PDE11A: variants seen among roughly 807,000 people sequenced by gnomAD.
PDE11A encodes the protein phosphodiesterase 11A, also known as dual 3',5'-cyclic-AMP and -GMP phosphodiesterase 11A.
A neutral mutation model predicts 100.5 loss-of-function variants in PDE11A; 100 were observed. The ratio of observed to expected loss-of-function variants is 1.00; its 90% CI spans 0.85 to 1.18. The LOEUF is 1.18. PDE11A is among the 50% of genes most tolerant of loss of function. The probability of loss-of-function intolerance (pLI) is 0.00; values close to 1 mark genes in which losing one functional copy is unlikely to be tolerated. For synonymous variants in PDE11A, 381 were observed against 420.8 expected, an observed-to-expected ratio of 0.91 and a Z score of 1.16; for missense variants, 1,141 against 1,152.6, an observed-to-expected ratio of 0.99 and a Z score of 0.15.
chr2:177,845,402 G>A (rs2083573711), intron 5 of PDE11A, among the ~76,000 whole-genome samples: 1 of 150,902 alleles, frequency 6.6e-6, no homozygotes, highest in Non-Finnish European at 1.5e-5. Flanking sequence ...GGGGCAGCGG[G>A]GCAGAGGCGC....
intron 19 of PDE11A, among the ~76,000 whole-genome samples, chr2:177,659,238 G>A (rs1232259693): frequency 7.4e-6 from 1 of 135,970 alleles, no homozygotes; most frequent in Non-Finnish European, 1.5e-5. Flanking sequence ...TCCAGCCTGG[G>A]CAACAAGAGC....
chr2:177,922,244 G>A (rs541850734), intron 2 of PDE11A, among the ~76,000 whole-genome samples: 1 of 152,112 alleles, frequency 6.6e-6, no homozygotes, highest in South Asian at 2.1e-4. Context: ...AGATCTGTGT[G>A]TATCCAACAG....
At chr2:177,646,436 C>T (rs1348983429) in intron 19 of PDE11A, among the ~76,000 whole-genome samples, 1 of 152,178 alleles carries the variant, frequency 6.6e-6, no homozygotes, top group African/African-American at 2.4e-5. Context: ...CTGATTACAA[C>T]TCAGAATGGT....
chr2:177,864,430 T>C (rs2083995798), intron 5 of PDE11A, among the ~76,000 whole-genome samples: 1 of 152,202 alleles, frequency 6.6e-6, no homozygotes, highest in African/African-American at 2.4e-5. Context: ...ACATTTTTAC[T>C]ATCTATATGT....
chr2:177,986,502 T>C (rs34595897), intron 2 of PDE11A, among the ~76,000 whole-genome samples: 15,870 of 152,160 alleles, frequency 0.1, 1,147 homozygotes, highest in Non-Finnish European at 0.15. Context: ...ACTCATGCGT[T>C]TTACCCTCTG....
chr2:178,077,332 T>C (rs1247410975), upstream of PDE11A, among the ~76,000 whole-genome samples: 1 of 143,370 alleles, frequency 7.0e-6, no homozygotes, highest in Non-Finnish European at 1.5e-5. Context: ...GGCATGATCA[T>C]GCCAAAGCCC....
chr2:177,817,626 T>G (rs1047167119), intron 8 of PDE11A, among the ~76,000 whole-genome samples: 1 of 152,172 alleles, frequency 6.6e-6, no homozygotes, highest in Non-Finnish European at 1.5e-5. Context: ...AGGGTAATTC[T>G]GTAATAAAAT....
chr2:178,070,735 ATGT>A (rs1378353634), intron 1 of PDE11A, among the ~76,000 whole-genome samples: 1 of 152,194 alleles, frequency 6.6e-6, no homozygotes, highest in Non-Finnish European at 1.5e-5. Flanking sequence ...TGAAACTAAC[ATGT>A]TTACCCTGCT....
chr2:177,935,088 C>T (rs1280388404), intron 2 of PDE11A, among the ~76,000 whole-genome samples: 3 of 152,112 alleles, frequency 2.0e-5, no homozygotes, highest in Admixed American at 1.3e-4. Flanking sequence ...TGGACATGTA[C>T]CTCCTGAATC....
intron 13 of PDE11A, among the ~76,000 whole-genome samples, chr2:177,703,061 C>A (rs2081224665): frequency 6.6e-6 from 1 of 152,104 alleles, no homozygotes; most frequent in Non-Finnish European, 1.5e-5. Flanking sequence ...ATATCACATC[C>A]TAGAGCCTGG....
chr2:177,630,393 G>C lies in PDE11A; in HGVS notation c.2647-831C>G, dbSNP rs566153713. On this transcript the variant is annotated intron_variant, in intron 19 of 19. Coordinates refer to ENST00000286063, the MANE Select transcript of PDE11A (RefSeq NM_016953.4). ...GGTTGCCCCTGGTAGTGGAATGAGA[G>C]CCCTAAAAGTAAGATGGCTTACTTT... Among the ~76,000 whole-genome samples the C allele has an allele frequency of 4.6e-5, 7 of 152,316 alleles. No individual in the cohort carries two copies. The East Asian group carries it at 1.4e-3, about 29-fold the overall frequency.
intron 10 of PDE11A, among the ~76,000 whole-genome samples, chr2:177,762,845 A>G (rs2082187936): frequency 6.6e-6 from 1 of 152,192 alleles, no homozygotes. Context: ...GGGTCACCAC[A>G]GGATGTATTT....
intron 4 of PDE11A, among the ~76,000 whole-genome samples, chr2:177,891,591 A>G (rs2084530421): frequency 6.6e-6 from 1 of 152,180 alleles, no homozygotes; most frequent in Non-Finnish European, 1.5e-5. Context: ...ATTCTTCTGA[A>G]GTTTACATTG....
At chr2:178,087,403 C>A (rs943869428) in intron 2 of PDE11A, among the ~76,000 whole-genome samples, 1 of 151,526 alleles carries the variant, frequency 6.6e-6, no homozygotes, top group Middle Eastern at 3.4e-3. Context: ...GAATATTTTT[C>A]AGCCACACAA....
At chr2:177,843,476 G>A (rs1475080915) in intron 5 of PDE11A, among the ~76,000 whole-genome samples, 1 of 152,160 alleles carries the variant, frequency 6.6e-6, no homozygotes. Flanking sequence ...CATTGGAGTT[G>A]ATAATTAAGA....
chr2:177,715,610 T>C (rs1340714308), intron 12 of PDE11A, among the ~76,000 whole-genome samples: 1 of 152,166 alleles, frequency 6.6e-6, no homozygotes, highest in East Asian at 1.9e-4. Context: ...TCTTTCCTCT[T>C]ACTTTCCAGG....
intron 2 of PDE11A, chr2:177,998,671 C>T (rs371898677): frequency 1.7e-6 from 2 of 1,211,588 alleles, no homozygotes; most frequent in South Asian, 1.2e-5. Flanking sequence ...CCTTTCACAC[C>T]ATCCAGTATC....
At chr2:177,777,133 C>T (rs1197255058) in intron 9 of PDE11A, among the ~76,000 whole-genome samples, 1 of 152,142 alleles carries the variant, frequency 6.6e-6, no homozygotes, top group Admixed American at 6.5e-5. Context: ...ATAAATTACC[C>T]AGTCTTGGGT....
At chr2:178,023,608 C>A (rs2086441034) in intron 1 of PDE11A, among the ~76,000 whole-genome samples, 1 of 152,190 alleles carries the variant, frequency 6.6e-6, no homozygotes, top group Middle Eastern at 3.4e-3. Context: ...TTTTAAAAAC[C>A]AGAATCTTGA....
Sources: allele counts gnomAD v4.1 joint callset (sites outside exome capture counted in the v4.1 genomes callset), GRCh38; gene constraint gnomAD v4.1.1; transcripts MANE v1.5; gene names NCBI Gene and HGNC (gene_info 2026-07-23, HGNC 2026-07-21).